The following SYNPR variants were observed in gnomAD, a reference collection of about 807,000 sequenced individuals.
The protein encoded by SYNPR is synaptoporin.
A neutral mutation model predicts 32.9 loss-of-function variants in SYNPR; 23 were observed. The observed-to-expected ratio is 0.70, with a 90% CI of 0.50 to 0.99. The LOEUF is 0.99. Among genes scored for constraint, SYNPR ranks in the 50% least tolerant of loss-of-function variants. The pLI is 0.00. For missense variants in SYNPR, 318 were observed against 349.3 expected, an observed-to-expected ratio of 0.91 and a Z score of 0.71; for synonymous variants, 146 against 135.9, an observed-to-expected ratio of 1.07 and a Z score of -0.52.
chr3:63,245,714 T>TA (rs2086281970), intron 1 of SYNPR, among the ~76,000 whole-genome samples: 2 of 92,422 alleles, frequency 2.2e-5, no homozygotes, highest in Admixed American at 2.2e-4. Context: ...AGAGAGAGTG[T>TA]GTGTGTGTGT....
intron 4 of SYNPR, among the ~76,000 whole-genome samples, chr3:63,592,932 C>G (rs991024154): frequency 6.6e-6 from 1 of 151,876 alleles, no homozygotes; most frequent in Non-Finnish European, 1.5e-5. Flanking sequence ...TCATTATTGC[C>G]CCTTTTTACA....
chr3:63,335,786 T>A, intron 2 of SYNPR, among the ~76,000 whole-genome samples: 1 of 138,782 alleles, frequency 7.2e-6, no homozygotes, highest in East Asian at 2.1e-4. Context: ...TTTTTTTTTT[T>A]TTTTGAGACA....
intron 2 of SYNPR, among the ~76,000 whole-genome samples, chr3:63,397,970 T>A (rs180815823): frequency 7.9e-5 from 12 of 152,308 alleles, no homozygotes; most frequent in Non-Finnish European, 1.5e-4. Context: ...CACGATATAA[T>A]GGGAAATGGA....
intron 3 of SYNPR, among the ~76,000 whole-genome samples, chr3:63,481,857 C>T (rs947006033): frequency 6.6e-6 from 1 of 151,970 alleles, no homozygotes; most frequent in African/African-American, 2.4e-5. Flanking sequence ...TGCCAATGGC[C>T]GGGCAGCGGG....
chr3:63,517,489 A>G (rs1701822594), intron 3 of SYNPR, among the ~76,000 whole-genome samples: 1 of 152,154 alleles, frequency 6.6e-6, no homozygotes, highest in Non-Finnish European at 1.5e-5. Context: ...TATAGACATC[A>G]ATGATAGTAT....
intron 2 of SYNPR, among the ~76,000 whole-genome samples, chr3:63,395,331 T>C (rs767535253): frequency 6.6e-6 from 1 of 152,236 alleles, no homozygotes; most frequent in Admixed American, 6.5e-5. Flanking sequence ...TATGACTCTT[T>C]ATGTGAATTT....
In SYNPR at chr3:63,562,158, T is replaced by A. The variant is rs533240548; in HGVS notation, c.408+5417T>A. On this transcript the variant is annotated intron_variant, in intron 4 of 5. Transcript: ENST00000478300. ...TTATATCATTTTGTCATGTTCCTTA[T>A]AGTTTTAAAAGCCAATCTCCTGCCT... 6.6e-4 allele frequency among the ~76,000 whole-genome samples: 100 copies of A among 152,308 alleles called. 2 individuals are homozygous for A. In the South Asian group the frequency reaches 0.02, roughly 30 times the overall value.
At position 63,335,766 on chromosome 3, in the gene SYNPR, CTTTT is replaced by C. The variant is rs3082128; in HGVS notation, c.84+57045_84+57048del. Among the ~76,000 whole-genome samples, 243 of 91,448 alleles carry C rather than the reference CTTTT, an allele frequency of 2.7e-3. 1 individual carries two copies. The highest frequency in any genetic ancestry group is 0.01 in the African/African-American group (210 of 20,468). The allele number at this position is 91,448 out of a possible 152,430, so 60.0% of individuals were successfully genotyped here. A position where few individuals can be genotyped will look rare whatever the true frequency, so the allele number is the denominator to read the frequency against. On this transcript the variant is annotated intron_variant, in intron 2 of 5. Transcript: ENST00000478300. The stretch of plus-strand genomic sequence containing the variant: ...ACACACTCAAGTCCATATTAGCTTC[CTTTT>C]TTTTTTTTTTTTTTTTTTTTGAGAC...
intron 3 of SYNPR, among the ~76,000 whole-genome samples, chr3:63,488,002 C>T (rs565551790): frequency 5.3e-5 from 8 of 152,164 alleles, no homozygotes; most frequent in East Asian, 1.9e-4. Flanking sequence ...GTTTGGAACA[C>T]GGGGGCAGGT....
chr3:63,493,074 T>C (rs890213256), intron 3 of SYNPR, among the ~76,000 whole-genome samples: 10 of 152,088 alleles, frequency 6.6e-5, no homozygotes, highest in African/African-American at 2.4e-4. Flanking sequence ...AAAGAAATGT[T>C]AGGACATGCT....
At chr3:63,471,732 T>A (rs74739575) in intron 2 of SYNPR, among the ~76,000 whole-genome samples, 1 of 152,250 alleles carries the variant, frequency 6.6e-6, no homozygotes, top group South Asian at 2.1e-4. Context: ...AGAAATGCCC[T>A]TTGGGGGTGT....
chr3:63,333,304 G>T (rs2087249799), intron 2 of SYNPR, among the ~76,000 whole-genome samples: 2 of 150,714 alleles, frequency 1.3e-5, no homozygotes, highest in Non-Finnish European at 2.9e-5. Flanking sequence ...CCTCTCTGGG[G>T]TCATCTCCCA....
intron 4 of SYNPR, among the ~76,000 whole-genome samples, chr3:63,606,774 G>C (rs986132449): frequency 6.6e-6 from 1 of 152,096 alleles, no homozygotes; most frequent in East Asian, 1.9e-4. Context: ...TATTCCATAA[G>C]GCAGATGGCC....
intron 3 of SYNPR, among the ~76,000 whole-genome samples, chr3:63,485,993 G>T (rs1002046841): frequency 6.6e-6 from 1 of 152,118 alleles, no homozygotes; most frequent in Non-Finnish European, 1.5e-5. Flanking sequence ...TAACAAAATT[G>T]TCCTTCATAA....
intron 2 of SYNPR, among the ~76,000 whole-genome samples, chr3:63,363,578 T>C (rs1216595087): frequency 1.3e-5 from 2 of 152,228 alleles, no homozygotes; most frequent in Non-Finnish European, 2.9e-5. Context: ...ACATTGACTC[T>C]GTGTGATCTT....
intron 4 of SYNPR, among the ~76,000 whole-genome samples, chr3:63,599,570 A>G (rs1700008025): frequency 6.6e-6 from 1 of 152,128 alleles, no homozygotes. Context: ...GACCATCTAG[A>G]TTTGGGTAAG....
At chr3:63,252,621 A>C (rs564703788) in intron 2 of SYNPR, 1 of 152,344 alleles carries the variant, frequency 6.6e-6, no homozygotes, top group South Asian at 2.1e-4. Flanking sequence ...TGCTGATAAC[A>C]GAACAAGGAG....
chr3:63,419,031 T>C (rs976063080), intron 2 of SYNPR, among the ~76,000 whole-genome samples: 1 of 152,244 alleles, frequency 6.6e-6, no homozygotes, highest in Non-Finnish European at 1.5e-5. Flanking sequence ...CTCTCCACTT[T>C]TTCTAGAGTT....
At chr3:63,293,149 A>T (rs1188773159) in intron 2 of SYNPR, among the ~76,000 whole-genome samples, 1 of 152,196 alleles carries the variant, frequency 6.6e-6, no homozygotes, top group African/African-American at 2.4e-5. Context: ...TGCTACCTAC[A>T]TTACATACTT....
Sources: gnomAD v4.1 joint callset for allele counts (sites outside exome capture counted in the v4.1 genomes callset) on GRCh38, gnomAD v4.1.1 for gene constraint, MANE v1.5 for transcripts, NCBI Gene and HGNC (gene_info 2026-07-23, HGNC 2026-07-21) for gene names.